Variants in MGAT4C observed in about 807,000 individuals in gnomAD.
The protein encoded by MGAT4C is alpha-1,3-mannosyl-glycoprotein 4-beta-N-acetylglucosaminyltransferase C.
Under a neutral mutation model 40.1 loss-of-function variants are expected in MGAT4C, and 19 were observed. That is an observed-to-expected ratio of 0.47 (90% CI 0.33 to 0.70). MGAT4C has a LOEUF of 0.70. Ranked by LOEUF, MGAT4C falls within the 30% of genes least tolerant of loss-of-function variation. The pLI, the probability that MGAT4C is intolerant of heterozygous loss-of-function variation, is 0.02. For missense variants in MGAT4C, 491 were observed against 563.2 expected, an observed-to-expected ratio of 0.87 and a Z score of 1.30; for synonymous variants, 181 against 187.1, an observed-to-expected ratio of 0.97 and a Z score of 0.27.
At chr12:86,526,996 G>T (rs1210631046) in intron 2 of MGAT4C, among the ~76,000 whole-genome samples, 1 of 152,126 alleles carries the variant, frequency 6.6e-6, no homozygotes, top group Non-Finnish European at 1.5e-5. Flanking sequence ...CCTGTGCAGG[G>T]TTCCCAGCTT....
At chr12:86,021,822 T>A (rs1441072126) in intron 2 of MGAT4C, among the ~76,000 whole-genome samples, 1 of 152,166 alleles carries the variant, frequency 6.6e-6, no homozygotes, top group Non-Finnish European at 1.5e-5. Flanking sequence ...ACTAGTATAG[T>A]ATAAAAGGCA....
intron 2 of MGAT4C, among the ~76,000 whole-genome samples, chr12:86,675,023 GT>G (rs1016823480): frequency 6.6e-6 from 1 of 151,846 alleles, no homozygotes; most frequent in African/African-American, 2.4e-5. Context: ...TACTTCATTC[GT>G]TTTTTTGTCC....
chr12:86,564,361 C>A (rs1959995638), intron 2 of MGAT4C, among the ~76,000 whole-genome samples: 1 of 152,054 alleles, frequency 6.6e-6, no homozygotes, highest in African/African-American at 2.4e-5. Flanking sequence ...GCAAGGCCAG[C>A]AATATACCTT....
intron 2 of MGAT4C, among the ~76,000 whole-genome samples, chr12:86,562,044 A>C (rs1173408979): frequency 1.3e-5 from 2 of 152,164 alleles, no homozygotes; most frequent in Non-Finnish European, 2.9e-5. Flanking sequence ...GTGACTCTAT[A>C]CATATACCTT....
At chr12:86,556,213 G>A (rs1201823862) in intron 2 of MGAT4C, among the ~76,000 whole-genome samples, 2 of 152,084 alleles carry the variant, frequency 1.3e-5, no homozygotes, top group African/African-American at 4.8e-5. Context: ...TAAAGATGAG[G>A]GGTAAATATA....
At chr12:86,836,702 GCCC>G (rs1953043711) in intron 1 of MGAT4C, among the ~76,000 whole-genome samples, 1 of 151,898 alleles carries the variant, frequency 6.6e-6, no homozygotes, top group Non-Finnish European at 1.5e-5. Context: ...AATTGGAGCT[GCCC>G]CTCCTGATTT....
rs148010364 is a variant in MGAT4C at position 86,151,798 on chromosome 12, C to A, written c.-56-102075G>T. 2.5e-3 allele frequency among the ~76,000 whole-genome samples: 387 copies of A among 152,344 alleles called. 1 individual carries two copies. Among genetic ancestry groups the A allele is most frequent in the African/African-American group, 8.7e-3 (363 of 41,584 alleles). ...AATTGAGCATGGCTCATAGTCATGG[C>A]TTATGCCCTGGTTTATGCTTTAATG... On this transcript the variant is annotated intron_variant, in intron 1 of 4. Transcript: ENST00000611864.
chr12:86,738,151 T>A (rs958899023), intron 1 of MGAT4C, among the ~76,000 whole-genome samples: 1 of 151,446 alleles, frequency 6.6e-6, no homozygotes, highest in African/African-American at 2.4e-5. Context: ...CATTGCCTAC[T>A]CCGCCTTTAT....
At chr12:86,105,436 G>A (rs545360420) in intron 1 of MGAT4C, among the ~76,000 whole-genome samples, 1 of 152,198 alleles carries the variant, frequency 6.6e-6, no homozygotes, top group African/African-American at 2.4e-5. Context: ...GGCCTCATTA[G>A]CATGTACATG....
intron 2 of MGAT4C, among the ~76,000 whole-genome samples, chr12:86,472,596 T>TTA (rs1957771731): frequency 6.6e-6 from 1 of 152,162 alleles, no homozygotes; most frequent in African/African-American, 2.4e-5. Context: ...AATCTTACTA[T>TTA]TATAGATTTT....
intron 4 of MGAT4C, among the ~76,000 whole-genome samples, chr12:86,275,896 C>A (rs1592633246): frequency 7.5e-6 from 1 of 132,716 alleles, no homozygotes; most frequent in South Asian, 2.3e-4. Context: ...GTCAGGAGAT[C>A]GAGACCATTT....
At chr12:86,208,290 A>AC (rs1950338625) in intron 1 of MGAT4C, among the ~76,000 whole-genome samples, 1 of 152,106 alleles carries the variant, frequency 6.6e-6, no homozygotes, top group African/African-American at 2.4e-5. Flanking sequence ...ACATGGCAAA[A>AC]CCCCATCTTT....
chr12:86,591,351 A>G (rs969418852), intron 2 of MGAT4C, among the ~76,000 whole-genome samples: 2 of 152,034 alleles, frequency 1.3e-5, no homozygotes, highest in Non-Finnish European at 2.9e-5. Context: ...TACTATTTAG[A>G]GGATACTATT....
chr12:86,689,842 G>A (rs1291581636), intron 2 of MGAT4C, among the ~76,000 whole-genome samples: 1 of 152,182 alleles, frequency 6.6e-6, no homozygotes, highest in Non-Finnish European at 1.5e-5. Context: ...CTCAACCACT[G>A]TGCTGGGAGA....
At chr12:86,823,646 A>T (rs1003775352) in intron 1 of MGAT4C, among the ~76,000 whole-genome samples, 2 of 151,324 alleles carry the variant, frequency 1.3e-5, no homozygotes, top group Non-Finnish European at 3.0e-5. Flanking sequence ...GCAAAAAATA[A>T]AAAAGACAAT....
intron 2 of MGAT4C, among the ~76,000 whole-genome samples, chr12:86,661,438 A>T (rs1349381443): frequency 6.6e-6 from 1 of 152,104 alleles, no homozygotes; most frequent in African/African-American, 2.4e-5. Context: ...TCATAAGGTA[A>T]AATATAAATA....
At chr12:86,566,997 A>G (rs965402497) in intron 2 of MGAT4C, among the ~76,000 whole-genome samples, 1 of 152,086 alleles carries the variant, frequency 6.6e-6, no homozygotes, top group African/African-American at 2.4e-5. Context: ...CATGTTCCCT[A>G]TCATCCTGAA....
At chr12:86,326,519 C>T (rs1220312176) in intron 4 of MGAT4C, among the ~76,000 whole-genome samples, 1 of 151,944 alleles carries the variant, frequency 6.6e-6, no homozygotes, top group Non-Finnish European at 1.5e-5. Flanking sequence ...CATTATAAGA[C>T]TTAAATCTAC....
At chr12:86,011,005 T>C (rs1379211033) in intron 2 of MGAT4C, among the ~76,000 whole-genome samples, 1 of 152,230 alleles carries the variant, frequency 6.6e-6, no homozygotes, top group East Asian at 1.9e-4. Context: ...CTACCTGATA[T>C]TGGACTTCCC....
Sources: gnomAD v4.1 joint callset for allele counts (sites outside exome capture counted in the v4.1 genomes callset) on GRCh38, gnomAD v4.1.1 for gene constraint, MANE v1.5 for transcripts, NCBI Gene and HGNC (gene_info 2026-07-23, HGNC 2026-07-21) for gene names.